Variants in AGBL4 observed in about 807,000 individuals in gnomAD.
AGBL4 encodes the protein AGBL carboxypeptidase 4, also known as cytosolic carboxypeptidase 6.
In AGBL4, 58 loss-of-function variants were observed where a neutral mutation model predicts 66.4. That is an observed-to-expected ratio of 0.87 (90% confidence interval 0.71 to 1.09). AGBL4 has a LOEUF of 1.09. AGBL4 is among the 50% of genes least tolerant of loss of function. AGBL4 has a pLI of 0.00. For missense variants in AGBL4, 579 were observed against 631.0 expected (o/e 0.92, Z 0.88); for synonymous variants, 234 against 222.9 (o/e 1.05, Z -0.44).
chr1:49,495,725 G>A (rs1430403597), intron 3 of AGBL4, among the ~76,000 whole-genome samples: 2 of 151,604 alleles, frequency 1.3e-5, no homozygotes, highest in African/African-American at 4.8e-5. Context: ...TCTTCACATT[G>A]ATTTAAAAAA....
At chr1:49,059,415 T>C (rs1399932074) in intron 4 of AGBL4, among the ~76,000 whole-genome samples, 1 of 152,200 alleles carries the variant, frequency 6.6e-6, no homozygotes, top group East Asian at 1.9e-4. Context: ...AGAGGAGGTA[T>C]GGAAATTCCT....
rs182095660 is a variant in AGBL4 at position 49,660,321 on chromosome 1, A to G, written c.282+36992T>C. On this transcript the variant is annotated intron_variant, in intron 3 of 13. Coordinates refer to ENST00000371839, the MANE Select transcript of AGBL4 (RefSeq NM_032785.4). ...ATGAACAGACGCTTCTCCAAAGAATATATTTATGCAGCCAACAAACATGAA... is the reference window on the plus strand; with the variant it reads ...ATGAACAGACGCTTCTCCAAAGAATGTATTTATGCAGCCAACAAACATGAA... 5.3e-5 allele frequency among the ~76,000 whole-genome samples: 8 copies of G among 152,352 alleles called. 1 individual carries two copies. Among genetic ancestry groups the G allele is most frequent in the Admixed American group, 3.9e-4 (6 of 15,300 alleles).
At chr1:50,000,147 G>A (rs988689088) in intron 1 of AGBL4, among the ~76,000 whole-genome samples, 1 of 152,150 alleles carries the variant, frequency 6.6e-6, no homozygotes, top group Non-Finnish European at 1.5e-5. Context: ...CCCACAAAGT[G>A]AGAGAAAATA....
At chr1:48,990,703 G>T (rs1266304169) in intron 5 of AGBL4, among the ~76,000 whole-genome samples, 5 of 151,864 alleles carry the variant, frequency 3.3e-5, no homozygotes, top group African/African-American at 1.2e-4. Flanking sequence ...ATTTTCTCTG[G>T]TGATTTCTTG....
chr1:49,242,825 G>A (rs1174717954), intron 4 of AGBL4, among the ~76,000 whole-genome samples: 1 of 151,760 alleles, frequency 6.6e-6, no homozygotes, highest in Non-Finnish European at 1.5e-5. Context: ...AGGCAGAACA[G>A]CCTTGAATGG....
At chr1:49,496,319 C>T (rs1320374261) in intron 3 of AGBL4, among the ~76,000 whole-genome samples, 5 of 151,700 alleles carry the variant, frequency 3.3e-5, no homozygotes, top group Non-Finnish European at 7.4e-5. Flanking sequence ...AATATGTATA[C>T]ATTGTGGAAT....
intron 1 of AGBL4, among the ~76,000 whole-genome samples, chr1:49,928,443 G>T (rs1653009186): frequency 6.6e-6 from 1 of 151,928 alleles, no homozygotes; most frequent in South Asian, 2.1e-4. Context: ...TATAGATAGG[G>T]TTTCCCCATG....
intron 3 of AGBL4, among the ~76,000 whole-genome samples, chr1:49,321,009 T>C (rs1436656175): frequency 1.3e-5 from 2 of 152,154 alleles, no homozygotes; most frequent in South Asian, 2.1e-4. Flanking sequence ...ACAGCCCTCA[T>C]GTTCCAGTCA....
intron 1 of AGBL4, among the ~76,000 whole-genome samples, chr1:50,003,106 C>A (rs774270098): frequency 3.4e-4 from 51 of 152,038 alleles, no homozygotes; most frequent in Non-Finnish European, 6.9e-4. Context: ...TGCTTATAAT[C>A]TTATGAGGAA....
intron 11 of AGBL4, among the ~76,000 whole-genome samples, chr1:48,581,576 C>T (rs150285856): frequency 2.0e-5 from 3 of 152,284 alleles, no homozygotes; most frequent in South Asian, 2.1e-4. Flanking sequence ...ATCGTTTGAA[C>T]AGAGCATATT....
At chr1:49,576,005 T>C (rs989226402) in intron 3 of AGBL4, among the ~76,000 whole-genome samples, 1 of 152,218 alleles carries the variant, frequency 6.6e-6, no homozygotes, top group African/African-American at 2.4e-5. Context: ...GACATTTGCA[T>C]ACCAAATGAT....
chr1:48,637,013 A>G (rs990486479), intron 8 of AGBL4, among the ~76,000 whole-genome samples: 44 of 152,332 alleles, frequency 2.9e-4, no homozygotes, highest in African/African-American at 9.6e-4. Context: ...GTGATTGATA[A>G]GAGATATTCT....
At chr1:49,453,277 T>A (rs1357922109) in intron 3 of AGBL4, among the ~76,000 whole-genome samples, 2 of 151,774 alleles carry the variant, frequency 1.3e-5, no homozygotes, top group East Asian at 3.9e-4. Flanking sequence ...AATGGGAAAA[T>A]AAAACTGTTA....
At chr1:50,003,571 AT>A (rs753554361) in intron 1 of AGBL4, among the ~76,000 whole-genome samples, 70 of 152,350 alleles carry the variant, frequency 4.6e-4, no homozygotes, top group Non-Finnish European at 7.4e-4. Flanking sequence ...GCTGGCAATG[AT>A]AAACAGCATA....
At chr1:49,296,936 C>T (rs952880534) in intron 3 of AGBL4, among the ~76,000 whole-genome samples, 1 of 152,178 alleles carries the variant, frequency 6.6e-6, no homozygotes, top group African/African-American at 2.4e-5. Context: ...ATAGACTCCA[C>T]ATTTGATCTG....
intron 3 of AGBL4, among the ~76,000 whole-genome samples, chr1:49,444,686 C>T (rs534567171): frequency 7.9e-5 from 12 of 152,014 alleles, no homozygotes; most frequent in South Asian, 6.2e-4. Flanking sequence ...AATGAGTTTC[C>T]TGTAAGCAGC....
chr1:49,406,929 G>T (rs891648958), intron 3 of AGBL4, among the ~76,000 whole-genome samples: 1 of 151,720 alleles, frequency 6.6e-6, no homozygotes, highest in Non-Finnish European at 1.5e-5. Flanking sequence ...GCCAGGCGTG[G>T]TGGCGGGCGC....
At chr1:48,893,840 T>A (rs953293475) in intron 5 of AGBL4, among the ~76,000 whole-genome samples, 2 of 152,120 alleles carry the variant, frequency 1.3e-5, no homozygotes, top group African/African-American at 4.8e-5. Flanking sequence ...CACTACGATC[T>A]CAGTCTTTCA....
intron 1 of AGBL4, among the ~76,000 whole-genome samples, chr1:49,936,521 A>G (rs951828677): frequency 1.3e-5 from 2 of 152,170 alleles, no homozygotes; most frequent in Admixed American, 6.5e-5. Context: ...GAGCAACTCC[A>G]GGACACATAA....
Sources: allele counts gnomAD v4.1 joint callset (sites outside exome capture counted in the v4.1 genomes callset), GRCh38; gene constraint gnomAD v4.1.1; transcripts MANE v1.5; gene names NCBI Gene and HGNC (gene_info 2026-07-23, HGNC 2026-07-21).